Variants in DPY19L1 observed in about 807,000 individuals in gnomAD.
DPY19L1 encodes the protein protein C-mannosyl-transferase DPY19L1.
A neutral mutation model predicts 96.9 loss-of-function variants in DPY19L1; 35 were observed. That is an observed-to-expected ratio of 0.36 (90% CI 0.28 to 0.48). The LOEUF is 0.48. Among genes scored for constraint, DPY19L1 ranks in the 20% least tolerant of loss-of-function variants. DPY19L1 has a pLI of 0.99. For synonymous variants in DPY19L1, 205 were observed against 252.6 expected (o/e 0.81, Z 1.79); for missense variants, 521 against 777.9 (o/e 0.67, Z 3.93).
intron 1 of DPY19L1, among the ~76,000 whole-genome samples, chr7:35,025,924 C>A (rs1053014594): frequency 7.9e-5 from 12 of 152,166 alleles, no homozygotes; most frequent in African/African-American, 2.9e-4. Context: ...CATTGGTCAA[C>A]AGAGAAACCA....
At chr7:34,964,814 T>C (rs562574826) in intron 10 of DPY19L1, among the ~76,000 whole-genome samples, 3 of 152,288 alleles carry the variant, frequency 2.0e-5, no homozygotes, top group South Asian at 4.1e-4. Flanking sequence ...TTACACTGCA[T>C]TGACTAAAAT....
chr7:34,938,469 T>C (rs368851549), intron 20 of DPY19L1, among the ~76,000 whole-genome samples: 17 of 152,352 alleles, frequency 1.1e-4, no homozygotes, highest in African/African-American at 3.6e-4. Context: ...AACACAACTA[T>C]AGGACTACTG....
intron 10 of DPY19L1, among the ~76,000 whole-genome samples, chr7:34,961,188 C>A (rs1272447531): frequency 6.6e-6 from 1 of 152,086 alleles, no homozygotes; most frequent in Non-Finnish European, 1.5e-5. Context: ...CAGTATAGAG[C>A]CAACTCAATA....
chr7:34,959,916 T>A (rs1018296321), intron 10 of DPY19L1, among the ~76,000 whole-genome samples: 1 of 23,048 alleles, frequency 4.3e-5, no homozygotes, highest in African/African-American at 1.9e-4. Flanking sequence ...TATATATATA[T>A]ATATATATTT....
chr7:34,994,782 C>T (rs1158239399), intron 6 of DPY19L1, among the ~76,000 whole-genome samples: 1 of 150,274 alleles, frequency 6.7e-6, no homozygotes, highest in Admixed American at 6.6e-5. Flanking sequence ...CCAGCCTGTG[C>T]GACAGAGCAA....
At chr7:34,997,786 A>G (rs1785327548) in intron 6 of DPY19L1, among the ~76,000 whole-genome samples, 1 of 152,208 alleles carries the variant, frequency 6.6e-6, no homozygotes, top group Non-Finnish European at 1.5e-5. Context: ...AAACTGGCAT[A>G]AAATTTAAGA....
intron 4 of DPY19L1, among the ~76,000 whole-genome samples, chr7:35,012,059 G>A (rs574543600): frequency 1.3e-5 from 2 of 152,342 alleles, no homozygotes; most frequent in South Asian, 2.1e-4. Flanking sequence ...TAGAAGACTG[G>A]TGCCTGAAAG....
intron 20 of DPY19L1, among the ~76,000 whole-genome samples, chr7:34,938,808 A>G (rs912520372): frequency 6.6e-6 from 1 of 152,218 alleles, no homozygotes; most frequent in Non-Finnish European, 1.5e-5. Context: ...AAAATCTAAA[A>G]AAACATAAAA....
At chr7:34,945,937 G>GT (rs1415288604) in intron 15 of DPY19L1, among the ~76,000 whole-genome samples, 3 of 152,176 alleles carry the variant, frequency 2.0e-5, no homozygotes, top group Admixed American at 6.5e-5. Flanking sequence ...TCCTCGTTTT[G>GT]TAAATGAGCA....
chr7:34,935,661 T>C (rs1783853595), intron 21 of DPY19L1, among the ~76,000 whole-genome samples: 1 of 152,162 alleles, frequency 6.6e-6, no homozygotes, highest in African/African-American at 2.4e-5. Context: ...GCTTCCCCCA[T>C]TCCAACATAC....
At chr7:35,027,466 GA>G (rs1786151873) in intron 1 of DPY19L1, among the ~76,000 whole-genome samples, 1 of 151,922 alleles carries the variant, frequency 6.6e-6, no homozygotes, top group African/African-American at 2.4e-5. Context: ...TTTTGAATTG[GA>G]AAAGAAGGAA....
chr7:34,962,937 G>T (rs1274505283), intron 10 of DPY19L1, among the ~76,000 whole-genome samples: 1 of 152,092 alleles, frequency 6.6e-6, no homozygotes, highest in East Asian at 1.9e-4. Context: ...GCTCATGCCT[G>T]TAATCCCAGC....
At chr7:35,020,163 T>C (rs77716917) in intron 1 of DPY19L1, among the ~76,000 whole-genome samples, 14 of 152,302 alleles carry the variant, frequency 9.2e-5, no homozygotes, top group Non-Finnish European at 1.9e-4. Context: ...AATCCTAACA[T>C]AATAAAATTT....
At chr7:34,936,555 C>T (rs1783872093) in intron 21 of DPY19L1, among the ~76,000 whole-genome samples, 1 of 152,206 alleles carries the variant, frequency 6.6e-6, no homozygotes, top group Non-Finnish European at 1.5e-5. Context: ...AAATGTCAGC[C>T]TATCATTCAT....
intron 6 of DPY19L1, among the ~76,000 whole-genome samples, chr7:35,000,182 T>C (rs985081959): frequency 1.3e-5 from 2 of 152,198 alleles, no homozygotes; most frequent in African/African-American, 4.8e-5. Context: ...TGCCAAAAAA[T>C]ACTTCTAAGG....
intron 4 of DPY19L1, among the ~76,000 whole-genome samples, chr7:35,012,786 G>A (rs1488216820): frequency 6.6e-6 from 1 of 151,808 alleles, no homozygotes; most frequent in Non-Finnish European, 1.5e-5. Flanking sequence ...TGGGGAAAAT[G>A]TTTCATTATA....
intron 7 of DPY19L1, among the ~76,000 whole-genome samples, chr7:34,985,738 A>G (rs995648371): frequency 2.0e-5 from 3 of 152,090 alleles, no homozygotes; most frequent in African/African-American, 4.8e-5. Context: ...GTAAATTTAT[A>G]CAGTCATTTT....
intron 6 of DPY19L1, among the ~76,000 whole-genome samples, chr7:34,995,051 A>G (rs1785253117): frequency 6.6e-6 from 1 of 152,104 alleles, no homozygotes; most frequent in African/African-American, 2.4e-5. Flanking sequence ...TTTTTTCTAT[A>G]CACTTTTGGG....
chr7:34,978,867 T>C (rs967690050), intron 7 of DPY19L1, among the ~76,000 whole-genome samples: 3 of 152,056 alleles, frequency 2.0e-5, no homozygotes, highest in African/African-American at 7.2e-5. Flanking sequence ...TCAAAAAGTT[T>C]TGGACTTTTT....
Sources: allele counts gnomAD v4.1 joint callset (sites outside exome capture counted in the v4.1 genomes callset), GRCh38; gene constraint gnomAD v4.1.1; transcripts MANE v1.5; gene names NCBI Gene and HGNC (gene_info 2026-07-23, HGNC 2026-07-21).